The following RPTOR variants were observed in gnomAD, a reference collection of about 807,000 sequenced individuals.
RPTOR encodes the protein regulatory associated protein of MTOR complex 1.
A neutral mutation model predicts 169.9 loss-of-function variants in RPTOR; 21 were observed. The observed-to-expected ratio is 0.12, with a 90% confidence interval of 0.09 to 0.18. The LOEUF (loss-of-function observed/expected upper bound fraction) is 0.18, where lower values mean the gene tolerates loss of function less well. RPTOR is among the 10% of genes least tolerant of loss of function. The probability of loss-of-function intolerance (pLI) is 1.00; values close to 1 mark genes in which losing one functional copy is unlikely to be tolerated. For synonymous variants in RPTOR, 732 were observed against 753.2 expected, an observed-to-expected ratio of 0.97 and a Z score of 0.46; for missense variants, 1,133 against 1,855.9, an observed-to-expected ratio of 0.61 and a Z score of 7.16.
Position 80,823,461 on chromosome 17 carries a change from C to T in RPTOR, c.1136+238C>T, listed in dbSNP as rs987734871. ...TTTAGGACTGCACGGGAGCAGCGGC[C>T]GGCTGAAGCCTCACAGCTCTGCAAC... On this transcript the variant is annotated intron_variant, in intron 9 of 33. Coordinates refer to ENST00000306801, the MANE Select transcript of RPTOR (RefSeq NM_020761.3). The surrounding 1 kb of genome is among the most constrained non-coding windows in gnomAD (Gnocchi z 4.5). The T allele has an allele frequency of 2.1e-5, 9 of 433,322 alleles. No individual in the cohort carries two copies. The highest frequency in any genetic ancestry group is 7.9e-5 in the African/African-American group (4 of 50,704). 26.8% of individuals were successfully genotyped at this position (433,322 alleles called of 1,614,324 possible).
intron 6 of RPTOR, among the ~76,000 whole-genome samples, chr17:80,758,891 G>A (rs995042690): frequency 6.6e-6 from 1 of 151,744 alleles, no homozygotes; most frequent in Non-Finnish European, 1.5e-5. Flanking sequence ...AGCACAAGGG[G>A]AACCGGAAAT....
chr17:80,687,016 G>A (rs187560289), intron 3 of RPTOR, among the ~76,000 whole-genome samples: 14 of 152,318 alleles, frequency 9.2e-5, no homozygotes, highest in African/African-American at 2.6e-4. Flanking sequence ...GAATCTGTCT[G>A]TCTGTGTCTT....
chr17:80,940,583 C>A lies in RPTOR; in HGVS notation c.3007C>A (p.Gln1003Lys). Reference sequence around the variant, plus strand: ...AAACAGCCGTGTCAGGAGGCAGGCCCAGCAAGTCATTCAGAAGGGTAAGGG... The same window carrying A: ...AAACAGCCGTGTCAGGAGGCAGGCCAAGCAAGTCATTCAGAAGGGTAAGGG... Reference protein sequence around the residue: ...LRNSRVRRQAQQVIQKGITRL... With the variant: ...LRNSRVRRQAKQVIQKGITRL... The change falls in exon 25 of 34, where the codon CAG (glutamine) becomes AAG (lysine). Residue 1003 changes from glutamine (Q) to lysine (K), a missense_variant. By Grantham distance (53) the Gln-to-Lys change is moderately conservative. This residue lies in a region of RPTOR where 410 missense variants were observed against 623.7 expected (regional missense o/e 0.66). Coordinates refer to ENST00000306801, the MANE Select transcript of RPTOR (RefSeq NM_020761.3). The A allele has an allele frequency of 6.2e-7, 1 of 1,611,606 alleles. No individual in the cohort carries two copies. Among genetic ancestry groups the A allele is most frequent in the South Asian group, 1.1e-5 (1 of 90,562 alleles).
intron 3 of RPTOR, among the ~76,000 whole-genome samples, chr17:80,653,835 C>T (rs796236102): frequency 1.6e-4 from 25 of 152,330 alleles, no homozygotes; most frequent in African/African-American, 6.0e-4. Context: ...CCCACAGGAG[C>T]CAGCTGTGTT....
chr17:80,801,903 C>G (rs568666318), intron 7 of RPTOR: 1 of 152,352 alleles, frequency 6.6e-6, no homozygotes, highest in African/African-American at 2.4e-5. Context: ...CGTTCCCGTG[C>G]GCGCCACGCC....
At chr17:80,842,616 A>G (rs990087613) in intron 10 of RPTOR, among the ~76,000 whole-genome samples, 2 of 152,270 alleles carry the variant, frequency 1.3e-5, no homozygotes, top group African/African-American at 4.8e-5. Flanking sequence ...GTATTTCCTT[A>G]AGAGCTAATC....
chr17:80,656,075 A>T (rs1598196479), intron 3 of RPTOR, among the ~76,000 whole-genome samples: 1 of 150,810 alleles, frequency 6.6e-6, no homozygotes, highest in African/African-American at 2.4e-5. Context: ...GTCAAAATAC[A>T]TTTTTTTTTC....
chr17:80,853,980 C>CA (rs904687630), intron 11 of RPTOR, among the ~76,000 whole-genome samples: 1,278 of 108,784 alleles, frequency 0.012, 12 homozygotes, highest in African/African-American at 0.03. Context: ...GACTCTGTCT[C>CA]AAAAAAAAAA....
rs552939722 is a variant in RPTOR, at chr17:80,960,285, G to C, written c.3605+80G>C. ...GGTAGGGCCGTGTCACTGCCATTTG[G>C]TTGGGTCCAGGTTTCTCAGTGAGAT... On this transcript the variant is annotated intron_variant, in intron 30 of 33. Coordinates refer to ENST00000306801, the MANE Select transcript of RPTOR (RefSeq NM_020761.3). This position sits in a 1 kb window ranked among gnomAD's most constrained non-coding sequence, Gnocchi z 4.8. 1 of 1,576,186 alleles carries C rather than the reference G, an allele frequency of 6.3e-7. No individual in the cohort carries two copies. The highest frequency in any genetic ancestry group is 1.3e-5 in the African/African-American group (1 of 74,350).
chr17:80,751,500 G>A (rs952223303), intron 5 of RPTOR, among the ~76,000 whole-genome samples: 1 of 152,116 alleles, frequency 6.6e-6, no homozygotes, highest in Non-Finnish European at 1.5e-5. Context: ...TAAGAACTAC[G>A]CAACTAAAAG....
chr17:80,846,373 C>G, intron 10 of RPTOR, 100 bp from the exon 11 acceptor site: 1 of 1,230,858 alleles, frequency 8.1e-7, no homozygotes, highest in South Asian at 1.3e-5. Flanking sequence ...AGGGCGGGCC[C>G]TTCGTGAAGG....
chr17:80,685,784 C>T (rs1171885783), intron 3 of RPTOR, among the ~76,000 whole-genome samples: 1 of 151,156 alleles, frequency 6.6e-6, no homozygotes, highest in East Asian at 1.9e-4. Flanking sequence ...AGCTTCTTCC[C>T]AGCTGCCTCT....
At chr17:80,700,748 G>GTAGAGA (rs1567864712) in intron 3 of RPTOR, among the ~76,000 whole-genome samples, 12 of 141,648 alleles carry the variant, frequency 8.5e-5, no homozygotes, top group Non-Finnish European at 1.3e-4. Flanking sequence ...GGTGGTGGTG[G>GTAGAGA]TGGTGATGAT....
At position 80,947,149 on chromosome 17, in the gene RPTOR, G is replaced by A; in HGVS notation, c.3141-78G>A. 2 of 1,380,502 alleles carry A rather than the reference G, an allele frequency of 1.4e-6. No homozygotes were observed. Among genetic ancestry groups the A allele is most frequent in the Non-Finnish European group, 1.9e-6 (2 of 1,041,774 alleles). The allele number at this position is 1,380,502 out of a possible 1,614,324, so 85.5% of individuals were successfully genotyped here. A position where few individuals can be genotyped will look rare whatever the true frequency, so the allele number is the denominator to read the frequency against. ...GTGGTTTTTTGATAGCAGCCCGGTGGGTTTCAGGAGGTATCTCACTGTCAT... is the reference window on the plus strand; with the variant it reads ...GTGGTTTTTTGATAGCAGCCCGGTGAGTTTCAGGAGGTATCTCACTGTCAT... On this transcript the variant is annotated intron_variant, in intron 26 of 33. Transcript: ENST00000306801. The surrounding 1 kb of genome is among the most constrained non-coding windows in gnomAD (Gnocchi z 4.4).
chr17:80,927,785 C>T (rs1567991930), intron 24 of RPTOR, among the ~76,000 whole-genome samples: 1 of 151,226 alleles, frequency 6.6e-6, no homozygotes, highest in Non-Finnish European at 1.5e-5. Flanking sequence ...AGCCCCAAGC[C>T]AGCGTCTCCT....
At chr17:80,559,001 G>A (rs573079849) in intron 1 of RPTOR, among the ~76,000 whole-genome samples, 2 of 152,198 alleles carry the variant, frequency 1.3e-5, no homozygotes, top group Admixed American at 6.5e-5. Context: ...CCACATGCTT[G>A]TGCAGCCACC....
chr17:80,578,456 A>G (rs945885188), intron 1 of RPTOR, among the ~76,000 whole-genome samples: 2 of 152,194 alleles, frequency 1.3e-5, no homozygotes, highest in Non-Finnish European at 2.9e-5. Context: ...GCCAAACAAC[A>G]GGACAGACGT....
intron 1 of RPTOR, among the ~76,000 whole-genome samples, chr17:80,595,491 A>G (rs1193582242): frequency 1.3e-5 from 2 of 152,024 alleles, no homozygotes; most frequent in African/African-American, 4.8e-5. Context: ...GGTCTCGCTC[A>G]TTCGCCCAGG....
chr17:80,907,259 C>T (rs983473488), intron 20 of RPTOR, among the ~76,000 whole-genome samples: 2 of 152,268 alleles, frequency 1.3e-5, no homozygotes, highest in African/African-American at 4.8e-5. Context: ...ACTTGCTTCT[C>T]AGCAAATTGT....
Sources: allele counts gnomAD v4.1 joint callset (sites outside exome capture counted in the v4.1 genomes callset), GRCh38; gene constraint gnomAD v4.1.1; regional missense constraint gnomAD v4.1.1; non-coding constraint Gnocchi (gnomAD v3.1); transcripts MANE v1.5; gene names NCBI Gene and HGNC (gene_info 2026-07-23, HGNC 2026-07-21).